NFIB: variants seen among roughly 807,000 people sequenced by gnomAD.
NFIB encodes nuclear factor 1 B-type.
NFIB carries 11 observed loss-of-function variants against 61.5 expected under a neutral mutation model. That is an observed-to-expected ratio of 0.18 (90% confidence interval 0.11 to 0.30). The LOEUF (loss-of-function observed/expected upper bound fraction) is 0.30. NFIB is among the 10% of genes least tolerant of loss of function. NFIB has a pLI of 1.00. For missense variants in NFIB, 471 were observed against 608.9 expected, an observed-to-expected ratio of 0.77 and a Z score of 2.38; for synonymous variants, 260 against 216.5, an observed-to-expected ratio of 1.20 and a Z score of -1.76.
chr9:14,402,674 A>C (rs12342635), upstream of NFIB, among the ~76,000 whole-genome samples: 7,276 of 152,222 alleles, frequency 0.048, 567 homozygotes, highest in African/African-American at 0.16. Flanking sequence ...TTACATTTGA[A>C]AAAATTTGAA....
chr9:14,488,129 G>A, the NFIB span, among the ~76,000 whole-genome samples: 2 of 152,064 alleles, frequency 1.3e-5, no homozygotes, highest in Admixed American at 6.6e-5. Flanking sequence ...TGTAATCCCC[G>A]CACTTGGGAG....
chr9:14,135,655 G>A (rs905556418), intron 6 of NFIB, among the ~76,000 whole-genome samples: 1 of 152,092 alleles, frequency 6.6e-6, no homozygotes, highest in African/African-American at 2.4e-5. Context: ...TAGCTGCCAT[G>A]TTAAGAAAGT....
rs1443600002 is a variant in NFIB, at chr9:14,084,286, G to A, written c.*4023C>T. 1 of 203,530 alleles carries A rather than the reference G, an allele frequency of 4.9e-6. No homozygotes were observed. Among genetic ancestry groups the A allele is most frequent in the African/African-American group, 2.3e-5 (1 of 43,586 alleles). The allele number at this position is 203,530 out of a possible 1,614,324, so 12.6% of individuals were successfully genotyped here. The stretch of plus-strand genomic sequence containing the variant: ...TAAAAAGTTAGCTTTACAAACATGG[G>A]AATTTTAATTTAAAAAAAATTCTTA... On this transcript the variant is annotated 3_prime_UTR_variant, in exon 11 of 11. Transcript: ENST00000380953.
rs1232827655 is a variant in NFIB, at chr9:14,087,650, G to A, written c.*659C>T. On this transcript the variant is annotated 3_prime_UTR_variant, in exon 11 of 11. Coordinates refer to ENST00000380953, the MANE Select transcript of NFIB (RefSeq NM_001190737.2). ...CACACTGGAAAAGGCTGGGTTAAGG[G>A]CCGAAATTTAATAAATCTGTACTGA... The A allele has an allele frequency of 4.6e-6, 1 of 216,830 alleles. No individual in the cohort carries two copies. The highest frequency in any genetic ancestry group is 9.3e-6 in the Non-Finnish European group (1 of 107,762). 13.4% of individuals were successfully genotyped at this position (216,830 alleles called of 1,614,324 possible).
intron 2 of NFIB, among the ~76,000 whole-genome samples, chr9:14,183,425 A>G (rs1873896): frequency 0.74 from 111,912 of 150,496 alleles, 44,112 homozygotes; most frequent in South Asian, 0.92. Context: ...TTTTTTTGAG[A>G]CAGAGTCTTG....
intron 2 of NFIB, among the ~76,000 whole-genome samples, chr9:14,263,393 C>T (rs2056951008): frequency 6.6e-6 from 1 of 152,050 alleles, no homozygotes; most frequent in South Asian, 2.1e-4. Context: ...TCAACATTCC[C>T]CTTCATTAAC....
At chr9:14,490,084 G>T in the NFIB span, among the ~76,000 whole-genome samples, 2 of 152,114 alleles carry the variant, frequency 1.3e-5, no homozygotes, top group African/African-American at 4.8e-5. Context: ...CTGATAAGTT[G>T]CCAAATTGTT....
In NFIB at chr9:14,252,852, C is replaced by G. The variant is rs144058291; in HGVS notation, c.562+54137G>C. ...CAAAATATTGCACCCATGACGGTCACCCGTATTAAACTCAGGTAAACTTCT... is the reference window on the plus strand; with the variant it reads ...CAAAATATTGCACCCATGACGGTCAGCCGTATTAAACTCAGGTAAACTTCT... On this transcript the variant is annotated intron_variant, in intron 2 of 10. Coordinates refer to ENST00000380953, the MANE Select transcript of NFIB (RefSeq NM_001190737.2). Among the ~76,000 whole-genome samples the G allele has an allele frequency of 2.4e-3, 365 of 152,030 alleles. 1 individual carries two copies. The highest frequency in any genetic ancestry group is 7.4e-3 in the African/African-American group (306 of 41,478).
chr9:14,289,022 A>C (rs373303432), intron 2 of NFIB, among the ~76,000 whole-genome samples: 1 of 151,266 alleles, frequency 6.6e-6, no homozygotes, highest in East Asian at 1.9e-4. Context: ...AAAAGGATTT[A>C]ATATACCACA....
At position 14,088,174 on chromosome 9, in the gene NFIB, C is replaced by T; in HGVS notation, c.*135G>A. 6.9e-7 allele frequency: 1 copy of T among 1,453,612 alleles called. No homozygotes were observed. The highest frequency in any genetic ancestry group is 1.5e-5 in the South Asian group (1 of 68,544). 90.0% of individuals were successfully genotyped at this position (1,453,612 alleles called of 1,614,324 possible). Reference sequence around the variant, plus strand: ...TTATTTAAAAAAAAAATTTCTTAAACTATTGTTGTGTTTCTTTTTCCCTCA... The same window carrying T: ...TTATTTAAAAAAAAAATTTCTTAAATTATTGTTGTGTTTCTTTTTCCCTCA... On this transcript the variant is annotated 3_prime_UTR_variant, in exon 11 of 11. Coordinates refer to ENST00000380953, the MANE Select transcript of NFIB (RefSeq NM_001190737.2).
chr9:14,513,089 C>A, the NFIB span, among the ~76,000 whole-genome samples: 1 of 151,788 alleles, frequency 6.6e-6, no homozygotes, highest in Non-Finnish European at 1.5e-5. Flanking sequence ...TTAAATATAC[C>A]CACACAGAGA....
At chr9:14,437,996 C>T in the NFIB span, among the ~76,000 whole-genome samples, 1 of 145,872 alleles carries the variant, frequency 6.9e-6, no homozygotes, top group Admixed American at 7.0e-5. Context: ...CTTTCTAGAA[C>T]ACCACCCCCA....
the NFIB span, among the ~76,000 whole-genome samples, chr9:14,428,107 C>A: frequency 2.6e-5 from 4 of 151,130 alleles, no homozygotes; most frequent in African/African-American, 9.7e-5. Context: ...CACCGTACCT[C>A]GCTAATTTTT....
chr9:14,095,251 T>A (rs959214510), intron 10 of NFIB, among the ~76,000 whole-genome samples: 1 of 152,144 alleles, frequency 6.6e-6, no homozygotes, highest in African/African-American at 2.4e-5. Flanking sequence ...TTTTCAAATT[T>A]TAGAACTGAA....
At chr9:14,234,475 C>G (rs2053536435) in intron 2 of NFIB, among the ~76,000 whole-genome samples, 1 of 151,584 alleles carries the variant, frequency 6.6e-6, no homozygotes, top group Non-Finnish European at 1.5e-5. Context: ...GTTCAAGCAA[C>G]TCTCCTTCCT....
intron 10 of NFIB, among the ~76,000 whole-genome samples, chr9:14,107,746 C>G (rs1181520903): frequency 6.6e-6 from 1 of 152,060 alleles, no homozygotes; most frequent in Middle Eastern, 3.2e-3. Flanking sequence ...CCTTTCCTAC[C>G]CTGTCCCTTA....
At chr9:14,357,926 T>G (rs2061195080) in intron 1 of NFIB, 1 of 152,210 alleles carries the variant, frequency 6.6e-6, no homozygotes, top group Non-Finnish European at 1.5e-5. Context: ...TATATGAAAT[T>G]CCTAGAATAG....
chr9:14,130,494 A>G (rs2130934676), intron 6 of NFIB, among the ~76,000 whole-genome samples: 1 of 152,234 alleles, frequency 6.6e-6, no homozygotes, highest in South Asian at 2.1e-4. Flanking sequence ...TGAGATCTAG[A>G]TTTCATTAAT....
At chr9:14,090,136 T>C (rs908762042) in intron 10 of NFIB, among the ~76,000 whole-genome samples, 9 of 148,204 alleles carry the variant, frequency 6.1e-5, no homozygotes, top group African/African-American at 2.4e-4. Flanking sequence ...ATGTTGTGAT[T>C]TGATCCCCTA....
Sources: allele counts gnomAD v4.1 joint callset (sites outside exome capture counted in the v4.1 genomes callset), GRCh38; gene constraint gnomAD v4.1.1; transcripts MANE v1.5; gene names NCBI Gene and HGNC (gene_info 2026-07-23, HGNC 2026-07-21).